The following PCED1A variants were observed in gnomAD, a reference collection of about 807,000 sequenced individuals.
PCED1A encodes the protein PC-esterase domain containing 1A, also known as PC-esterase domain-containing protein 1A.
PCED1A carries 20 observed loss-of-function variants against 41.9 expected under a neutral mutation model. That is an observed-to-expected ratio of 0.48 (90% CI 0.34 to 0.69). The LOEUF (loss-of-function observed/expected upper bound fraction) is 0.69, where lower values mean the gene tolerates loss of function less well. Ranked by LOEUF, PCED1A falls within the 30% of genes least tolerant of loss-of-function variation. The probability of loss-of-function intolerance (pLI) is 0.01; values close to 1 mark genes in which losing one functional copy is unlikely to be tolerated. For synonymous variants in PCED1A, 236 were observed against 241.3 expected (o/e 0.98, Z 0.20); for missense variants, 498 against 602.1 (o/e 0.83, Z 1.81).
chr20:2,839,667 C>T (rs2146621881), intron 2 of PCED1A, 122 bp downstream of exon 2: 1 of 1,407,728 alleles, frequency 7.1e-7, no homozygotes, highest in East Asian at 2.3e-5. Context: ...AAAGAGAAAA[C>T]CTACTGGACG....
intron 2 of PCED1A, among the ~76,000 whole-genome samples, chr20:2,839,476 A>G (rs2088905895): frequency 6.6e-6 from 1 of 152,214 alleles, no homozygotes; most frequent in Non-Finnish European, 1.5e-5. Context: ...CAGTGACCCA[A>G]GATCACCTGG....
rs780706983 is a variant in PCED1A at position 2,838,660 on chromosome 20, A to G, written c.530T>C (p.Leu177Pro). 5.0e-5 allele frequency: 80 copies of G among 1,614,068 alleles called. No individual in the cohort carries two copies. The highest frequency in any genetic ancestry group is 6.7e-5 in the Non-Finnish European group (79 of 1,180,040). Reference sequence around the variant, plus strand: ...GGGCATCGCCATGTTCCACACCAGCAGGCAGGAGTCTGGCAATACTTGGTC... The same window carrying G: ...GGGCATCGCCATGTTCCACACCAGCGGGCAGGAGTCTGGCAATACTTGGTC... ...RMDQVLPDSC[L>P]LVWNMAMPLG... is the part of the protein sequence containing the mutation. The change falls in exon 5 of 8, where the codon CTG becomes CCG. Residue 177 changes from leucine (L) to proline (P), a missense_variant. Physicochemically the swap from Leu to Pro is moderately conservative, Grantham distance 98. Transcript: ENST00000360652. This position sits in a 1 kb window ranked among gnomAD's most constrained non-coding sequence, Gnocchi z 5.8.
chr20:2,839,041 G>A lies in PCED1A; in HGVS notation c.246C>T (p.Gly82=), dbSNP rs1406579728. The A allele has an allele frequency of 1.9e-6, 3 of 1,613,362 alleles. No individual in the cohort carries two copies. The highest frequency in any genetic ancestry group is 2.7e-5 in the African/African-American group (2 of 75,000). ...SFEQDQLVAG[G]QLGELHNGTQ... is the part of the protein sequence containing the mutation. ...TCCCGTTGTGCAGCTCGCCCAGCTG[G>A]CCCCCAGCCACCAGCTGGTCCTGTT... is the stretch of plus-strand genomic sequence containing the variant. Residue 82 remains glycine (G), a synonymous_variant, in exon 4 of 8, where the codon GGC becomes GGT. Coordinates refer to ENST00000360652, the MANE Select transcript of PCED1A (RefSeq NM_022760.6).
chr20:2,839,811 G>A lies in PCED1A; in HGVS notation c.102C>T (p.Phe34=). The part of the protein sequence containing the change: ...SEVQQLLHNK[F]VVILGDSIQR... ...CACTGGAGTCCCCCAAGATGACCAC[G>A]AACTTGTTGTGTAGCAGCTGCTGGA... is the stretch of plus-strand genomic sequence containing the variant. The change falls in exon 2 of 8, where the codon TTC becomes TTT. Residue 34 remains phenylalanine (F), a synonymous_variant. Transcript: ENST00000360652. 1 of 1,614,196 alleles carries A rather than the reference G, an allele frequency of 6.2e-7. No individual in the cohort carries two copies. The highest frequency in any genetic ancestry group is 8.5e-7 in the Non-Finnish European group (1 of 1,180,026).
Position 2,836,111 on chromosome 20 carries a change from C to T in PCED1A, c.1045G>A (p.Gly349Ser). The part of the protein sequence containing the change: ...PLPQDTPFFP[G>S]QPFPPHEFFN... ...AATTCATGGGGTGGGAAGGGCTGGC[C>T]TGGGAAAAAAGGGGTATCCTGGGGC... The change falls in exon 7 of 8, where the codon GGC (glycine) becomes AGC (serine). Residue 349 changes from glycine to serine, a missense_variant. Physicochemically the swap from Gly to Ser is moderately conservative, Grantham distance 56 (BLOSUM62 0). Around this residue, in one of 2 missense-constraint regions of PCED1A, gnomAD observed 245 missense variants for 232.4 expected, o/e 1.05. Transcript: ENST00000360652. The T allele has an allele frequency of 6.6e-7, 1 of 1,513,146 alleles. No homozygotes were observed. Among genetic ancestry groups the T allele is most frequent in the Non-Finnish European group, 8.9e-7 (1 of 1,126,978 alleles). The allele number at this position is 1,513,146 out of a possible 1,614,324, so 93.7% of individuals were successfully genotyped here.
chr20:2,839,927 C>T lies in PCED1A; in HGVS notation c.-15G>A. 6.2e-7 allele frequency: 1 copy of T among 1,608,702 alleles called. No individual in the cohort carries two copies. Among genetic ancestry groups the T allele is most frequent in the East Asian group, 2.2e-5 (1 of 44,812 alleles). ...CAGAAGACCATGCCGCCACCAGCAA[C>T]GACAGGCTGCAGGGAGAGGCCACTA... On this transcript the variant is annotated 5_prime_UTR_variant, in exon 2 of 8. Coordinates refer to ENST00000360652, the MANE Select transcript of PCED1A (RefSeq NM_022760.6).
At chr20:2,840,717 G>C, upstream of PCED1A, 3 of 1,526,184 alleles carry the variant, frequency 2.0e-6, no homozygotes, top group South Asian at 2.4e-5. Flanking sequence ...GTGCCGGCCT[G>C]GAGCCCGCTC....
At position 2,838,779 on chromosome 20, in the gene PCED1A, C is replaced by T; in HGVS notation, c.444-33G>A. 1 of 1,614,170 alleles carries T rather than the reference C, an allele frequency of 6.2e-7. No individual in the cohort carries two copies. The highest frequency in any genetic ancestry group is 1.3e-5 in the African/African-American group (1 of 75,066). ...ATAACACACAGGGTGGGCAAGAGCACAAGGGTGGACTGCCTCAGCCGTACT... is the reference window on the plus strand; with the variant it reads ...ATAACACACAGGGTGGGCAAGAGCATAAGGGTGGACTGCCTCAGCCGTACT... On this transcript the variant is annotated intron_variant, in intron 4 of 7. Transcript: ENST00000360652. The surrounding 1 kb of genome is among the most constrained non-coding windows in gnomAD (Gnocchi z 5.8).
chr20:2,836,930 C>T (rs2088845477), intron 6 of PCED1A, among the ~76,000 whole-genome samples: 2 of 152,192 alleles, frequency 1.3e-5, no homozygotes, highest in African/African-American at 4.8e-5. Context: ...GAGCATCGTT[C>T]TGTCTCCCTC....
upstream of PCED1A, chr20:2,841,127 C>T: frequency 2.1e-6 from 1 of 467,628 alleles, no homozygotes; most frequent in Non-Finnish European, 3.8e-6. Flanking sequence ...AGCGAGTGCC[C>T]AGTCTCCTGC....
intron 2 of PCED1A, 108 bp downstream of exon 2, chr20:2,839,681 C>A (rs968354257): frequency 9.3e-6 from 14 of 1,497,774 alleles, no homozygotes; most frequent in Non-Finnish European, 1.3e-5. Context: ...CTGGACGGAA[C>A]AGACCAGAAG....
chr20:2,839,700 G>A (rs1315655383), intron 2 of PCED1A, 89 bp downstream of exon 2: 22 of 1,544,568 alleles, frequency 1.4e-5, no homozygotes, highest in Non-Finnish European at 1.4e-5. Flanking sequence ...AGACAGACAA[G>A]AGATGTGAGA....
rs200637799 is a variant in PCED1A, at chr20:2,839,914, C to T, written c.-2G>A. The T allele has an allele frequency of 4.3e-6, 7 of 1,610,826 alleles. No homozygotes were observed. The highest frequency in any genetic ancestry group is 5.1e-6 in the Non-Finnish European group (6 of 1,179,064). On this transcript the variant is annotated 5_prime_UTR_variant, in exon 2 of 8. Coordinates refer to ENST00000360652, the MANE Select transcript of PCED1A (RefSeq NM_022760.6). ...CTCGCTCGACAGACAGAAGACCATG[C>T]CGCCACCAGCAACGACAGGCTGCAG...
rs971295319 is a variant in PCED1A, at chr20:2,836,045, G to C, written c.1111C>G (p.His371Asp). ...NPVEDFSMPPHLGCGPGVNFV... is the reference protein window; with the variant it reads ...NPVEDFSMPPDLGCGPGVNFV... ...GAGCTGCAGAAGCACCTACCTAAGT[G>C]GGGTGGCATCGAGAAGTCCTCCACT... Residue 371 changes from histidine to aspartate, a missense_variant, in exon 7 of 8, where the codon CAC becomes GAC. Around this residue, in one of 2 missense-constraint regions of PCED1A, gnomAD observed 245 missense variants for 232.4 expected, o/e 1.05. Transcript: ENST00000360652. 7 of 1,483,164 alleles carry C rather than the reference G, an allele frequency of 4.7e-6. No homozygotes were observed. In the African/African-American group the frequency reaches 9.9e-5, roughly 21 times the overall value. The allele number at this position is 1,483,164 out of a possible 1,614,324, so 91.9% of individuals were successfully genotyped here. A position where few individuals can be genotyped will look rare whatever the true frequency, so the allele number is the denominator to read the frequency against.
chr20:2,840,916 A>C (rs1180249739), upstream of PCED1A: 17 of 1,315,220 alleles, frequency 1.3e-5, no homozygotes, highest in African/African-American at 9.0e-5. Context: ...CCCTGTCACT[A>C]CTGGCGCTGG....
In PCED1A at chr20:2,835,493, G is replaced by A. The variant is rs1188532982; in HGVS notation, c.1334C>T (p.Pro445Leu). The change falls in exon 8 of 8, where the codon CCT becomes CTT. Residue 445 changes from proline to leucine, a missense_variant. This residue lies in a region of PCED1A where 245 missense variants were observed against 232.4 expected (regional missense o/e 1.05). Transcript: ENST00000360652. The stretch of plus-strand genomic sequence containing the variant: ...AGGCCATGTCCCCGAATGGGCAGGA[G>A]GCCGTCTGTCCAGTTTGTATGTGTG... ...LIHTYKLDRR[P>L]PAHSGTWPG The A allele has an allele frequency of 4.3e-6, 7 of 1,612,890 alleles. No homozygotes were observed. The highest frequency in any genetic ancestry group is 4.0e-5 in the African/African-American group (3 of 74,934).
chr20:2,839,660 G>T, intron 2 of PCED1A, 129 bp downstream of exon 2: 1 of 1,373,846 alleles, frequency 7.3e-7, no homozygotes, highest in Non-Finnish European at 9.9e-7. Flanking sequence ...GACATAAAAA[G>T]AGAAAACCTA....
chr20:2,838,962 G>A lies in PCED1A; in HGVS notation c.325C>T (p.Arg109Cys), dbSNP rs750955680. ...FCSGSGHHLV[R>C]FYFLTRVYSE... ...TAAACACGAGTGAGGAAGTAGAAGC[G>A]CACAAGGTGGTGGCCAGAGCCCGAG... Residue 109 changes from arginine to cysteine, a missense_variant, in exon 4 of 8, where the codon CGC (arginine) becomes TGC (cysteine). Physicochemically the swap from Arg to Cys is radical, Grantham distance 180. This residue lies in a region of PCED1A where 253 missense variants were observed against 369.7 expected (regional missense o/e 0.68). Coordinates refer to ENST00000360652, the MANE Select transcript of PCED1A (RefSeq NM_022760.6). The surrounding 1 kb of genome is among the most constrained non-coding windows in gnomAD (Gnocchi z 5.8). The A allele has an allele frequency of 2.5e-6, 4 of 1,613,884 alleles. No individual in the cohort carries two copies. The highest frequency in any genetic ancestry group is 1.7e-5 in the Admixed American group (1 of 60,004).
At chr20:2,836,423 C>T (rs2088836915) in intron 6 of PCED1A, 109 bp from the exon 7 acceptor site, 1 of 962,972 alleles carries the variant, frequency 1.0e-6, no homozygotes. Flanking sequence ...GCAGAGCCAC[C>T]AGGCTGGAGC....
Sources: gnomAD v4.1 joint callset for allele counts (sites outside exome capture counted in the v4.1 genomes callset) on GRCh38, gnomAD v4.1.1 for gene constraint, gnomAD v4.1.1 regional missense constraint, Gnocchi (gnomAD v3.1) non-coding constraint, MANE v1.5 for transcripts, NCBI Gene and HGNC (gene_info 2026-07-23, HGNC 2026-07-21) for gene names.